The following CACNA1E variants were observed in gnomAD, a reference collection of about 807,000 sequenced individuals.
CACNA1E encodes the protein calcium voltage-gated channel subunit alpha1 E.
In CACNA1E, 40 loss-of-function variants were observed where a neutral mutation model predicts 259.2. That is an observed-to-expected ratio of 0.15 (90% CI 0.12 to 0.20). The LOEUF (loss-of-function observed/expected upper bound fraction) is 0.20. CACNA1E is among the 10% of genes least tolerant of loss of function. CACNA1E has a pLI of 1.00. For synonymous variants in CACNA1E, 1,104 were observed against 1,138.5 expected, an observed-to-expected ratio of 0.97 and a Z score of 0.61; for missense variants, 1,874 against 3,040.1, an observed-to-expected ratio of 0.62 and a Z score of 9.02.
intron 10 of CACNA1E, 61 bp downstream of exon 10, chr1:181,716,190 T>C (rs1235410697): frequency 2.7e-6 from 3 of 1,108,186 alleles, no homozygotes; most frequent in Admixed American, 4.0e-5. Flanking sequence ...GAAGATCCTG[T>C]CTTTTGAGAA....
chr1:181,661,086 G>A (rs922145489), intron 7 of CACNA1E, among the ~76,000 whole-genome samples: 4 of 152,168 alleles, frequency 2.6e-5, no homozygotes, highest in African/African-American at 9.7e-5. Context: ...AAGAGCCAGC[G>A]ATAGTTTGCG....
chr1:181,512,349 T>C (rs891130088), intron 3 of CACNA1E, among the ~76,000 whole-genome samples: 1 of 152,128 alleles, frequency 6.6e-6, no homozygotes, highest in African/African-American at 2.4e-5. Context: ...CCTGTGTGGA[T>C]GTGGCAGCAA....
intron 1 of CACNA1E, among the ~76,000 whole-genome samples, chr1:181,373,593 A>T (rs1409613348): frequency 7.1e-6 from 1 of 140,612 alleles, no homozygotes; most frequent in East Asian, 2.1e-4. Flanking sequence ...GCTGGAGTGC[A>T]GTGGCGCAAT....
chr1:181,632,865 C>T (rs904893709), intron 6 of CACNA1E, among the ~76,000 whole-genome samples: 4 of 152,136 alleles, frequency 2.6e-5, no homozygotes, highest in Admixed American at 1.3e-4. Context: ...AGACACAATC[C>T]ATGTATTCAA....
rs544297637 is a variant in CACNA1E, at chr1:181,786,164, G to A, written c.5786+345G>A. ...TGATTATCGCTTCCCCGTGGATCTA[G>A]TGTCCTGCTGGAAGATAGAGCCTCC... On this transcript the variant is annotated intron_variant, in intron 43 of 47. Transcript: ENST00000367573. Among the ~76,000 whole-genome samples the A allele has an allele frequency of 3.6e-4, 55 of 152,302 alleles. No homozygotes were observed. The South Asian group carries it at 8.5e-3, about 24-fold the overall frequency.
At chr1:181,555,933 C>T (rs986119753) in intron 3 of CACNA1E, among the ~76,000 whole-genome samples, 6 of 152,184 alleles carry the variant, frequency 3.9e-5, no homozygotes, top group African/African-American at 1.4e-4. Flanking sequence ...AAGCTTCCCC[C>T]ATCTTTATTC....
At chr1:181,548,123 T>TA (rs1647700918) in intron 3 of CACNA1E, among the ~76,000 whole-genome samples, 7 of 91,602 alleles carry the variant, frequency 7.6e-5, no homozygotes, top group East Asian at 6.0e-4. Flanking sequence ...ATAACACTTT[T>TA]TTTTTCTTTT....
At chr1:181,406,904 G>A (rs1402812673) in intron 1 of CACNA1E, among the ~76,000 whole-genome samples, 1 of 152,132 alleles carries the variant, frequency 6.6e-6, no homozygotes. Context: ...GGCTTCTGTA[G>A]GGCAGGTTAT....
intron 3 of CACNA1E, among the ~76,000 whole-genome samples, chr1:181,530,212 C>T (rs772641641): frequency 3.3e-5 from 5 of 152,132 alleles, no homozygotes; most frequent in South Asian, 2.1e-4. Context: ...CTCTTGCCGC[C>T]GCCATGTTAA....
At chr1:181,634,840 G>T (rs1297798726) in intron 6 of CACNA1E, among the ~76,000 whole-genome samples, 1 of 152,134 alleles carries the variant, frequency 6.6e-6, no homozygotes, top group East Asian at 1.9e-4. Flanking sequence ...CTGGCTTCTG[G>T]AGTAACCCAT....
chr1:181,440,101 G>A lies in CACNA1E; in HGVS notation c.434+26521G>A, dbSNP rs560011167. ...GTGTCAATTATCTCAGTATGGTTTG[G>A]TGACCAAATCTCAGGCAGCACCTGT... is the stretch of plus-strand genomic sequence containing the variant. On this transcript the variant is annotated intron_variant, in intron 2 of 11. Coordinates refer to the CACNA1E transcript ENST00000524607. 3.3e-5 allele frequency among the ~76,000 whole-genome samples: 5 copies of A among 152,204 alleles called. No individual in the cohort carries two copies. The East Asian group carries it at 7.7e-4, about 23-fold the overall frequency.
chr1:181,566,736 T>C (rs1649869170), intron 3 of CACNA1E, among the ~76,000 whole-genome samples: 1 of 152,200 alleles, frequency 6.6e-6, no homozygotes, highest in Admixed American at 6.5e-5. Context: ...TAGGGACTAA[T>C]GTGAAACATA....
intron 17 of CACNA1E, 97 bp downstream of exon 17, chr1:181,724,634 A>C: frequency 1.0e-6 from 1 of 992,754 alleles, no homozygotes; most frequent in South Asian, 1.4e-5. Flanking sequence ...TGTCTGACTC[A>C]GGCCTGCCAG....
rs116114878 is a variant in CACNA1E, at chr1:181,720,384, C to G, written c.1883+47C>G. On this transcript the variant is annotated intron_variant, in intron 14 of 47. Coordinates refer to ENST00000367573, the MANE Select transcript of CACNA1E (RefSeq NM_001205293.3). ...ATCCAAAGGAGGCTCAAAACCCAGT[C>G]GTAGCCTGTGTTGGGCTAGGGTCAT... 1,968 of 1,587,172 alleles carry G rather than the reference C, an allele frequency of 1.2e-3. 24 individuals carry two copies. The African/African-American group carries it at 0.023, about 19-fold the overall frequency.
intron 6 of CACNA1E, among the ~76,000 whole-genome samples, chr1:181,614,941 A>T (rs1355612267): frequency 6.6e-6 from 1 of 152,206 alleles, no homozygotes; most frequent in Non-Finnish European, 1.5e-5. Context: ...GGACCCATGC[A>T]GTTCAAACAT....
intron 7 of CACNA1E, among the ~76,000 whole-genome samples, chr1:181,691,329 A>G (rs773518759): frequency 6.6e-6 from 1 of 152,006 alleles, no homozygotes; most frequent in East Asian, 1.9e-4. Context: ...TACATTTTAC[A>G]TACATTTTCT....
chr1:181,768,402 A>G (rs1659209464), intron 35 of CACNA1E, among the ~76,000 whole-genome samples: 1 of 152,218 alleles, frequency 6.6e-6, no homozygotes, highest in Admixed American at 6.5e-5. Context: ...GAAAACGTTT[A>G]TAGGTGAGTT....
At chr1:181,358,364 C>T (rs1249140238) in intron 1 of CACNA1E, among the ~76,000 whole-genome samples, 1 of 152,180 alleles carries the variant, frequency 6.6e-6, no homozygotes, top group Non-Finnish European at 1.5e-5. Flanking sequence ...TAAGATCACA[C>T]ACTCAGTTTT....
chr1:181,697,215 T>C (rs1256908886), intron 7 of CACNA1E, among the ~76,000 whole-genome samples: 2 of 152,202 alleles, frequency 1.3e-5, no homozygotes, highest in African/African-American at 4.8e-5. Flanking sequence ...TGAAAAGCTG[T>C]GGTGAAATGT....
Sources: gnomAD v4.1 joint callset for allele counts (sites outside exome capture counted in the v4.1 genomes callset) on GRCh38, gnomAD v4.1.1 for gene constraint, MANE v1.5 for transcripts, NCBI Gene and HGNC (gene_info 2026-07-23, HGNC 2026-07-21) for gene names.